Variants in HSD11B1 observed in about 807,000 individuals in gnomAD.
The protein encoded by HSD11B1 is hydroxysteroid 11-beta dehydrogenase 1, also known as 11-beta-hydroxysteroid dehydrogenase 1.
A neutral mutation model predicts 22.1 loss-of-function variants in HSD11B1; 15 were observed. The observed-to-expected ratio is 0.68, with a 90% confidence interval of 0.45 to 1.04. HSD11B1 has a LOEUF of 1.04. Ranked by LOEUF, HSD11B1 falls within the 50% of genes least tolerant of loss-of-function variation. The pLI, the probability that HSD11B1 is intolerant of heterozygous loss-of-function variation, is 0.00. For missense variants in HSD11B1, 281 were observed against 357.6 expected (o/e 0.79, Z 1.73); for synonymous variants, 122 against 125.2 (o/e 0.97, Z 0.17).
chr1:209,692,607 C>CGGGGGGGGGGGGG (rs796545462), intron 1 of HSD11B1, among the ~76,000 whole-genome samples: 2 of 48,246 alleles, frequency 4.1e-5, no homozygotes, highest in Admixed American at 2.0e-4. Context: ...ATTAAAATGG[C>CGGGGGGGGGGGGG]GGGGGGGGGG....
chr1:209,712,571 G>A (rs552079077), intron 4 of HSD11B1, among the ~76,000 whole-genome samples: 20 of 152,150 alleles, frequency 1.3e-4, no homozygotes, highest in Admixed American at 7.2e-4. Context: ...TATGGATTTG[G>A]GTATCCACAG....
At chr1:209,734,138 ACT>A (rs1170976292) in intron 5 of HSD11B1, among the ~76,000 whole-genome samples, 164 bp from the exon 6 acceptor site, 1 of 151,978 alleles carries the variant, frequency 6.6e-6, no homozygotes, top group African/African-American at 2.4e-5. Context: ...TGCCCAACAG[ACT>A]CTAACATACC....
upstream of HSD11B1, among the ~76,000 whole-genome samples, chr1:209,702,780 T>C (rs1474071961): frequency 1.3e-5 from 2 of 152,242 alleles, no homozygotes; most frequent in Non-Finnish European, 2.9e-5. Flanking sequence ...ATTAAGAGTA[T>C]ACAAGGGTCC....
chr1:209,705,307 A>G (rs1219900444), intron 1 of HSD11B1, among the ~76,000 whole-genome samples: 2 of 148,770 alleles, frequency 1.3e-5, no homozygotes, highest in African/African-American at 2.5e-5. Flanking sequence ...CAAAAATGAG[A>G]GTAATACCCA....
chr1:209,732,601 T>C, intron 5 of HSD11B1, 22 bp downstream of exon 5: 1 of 1,602,154 alleles, frequency 6.2e-7, no homozygotes, highest in Non-Finnish European at 8.6e-7. Flanking sequence ...ACTTTGTGTT[T>C]TTTTTTAATT....
chr1:209,704,973 A>T lies in HSD11B1; in HGVS notation c.31A>T (p.Ile11Phe), dbSNP rs772045624. The change falls in exon 1 of 6, where the codon ATT becomes TTT. Residue 11 changes from isoleucine to phenylalanine, a missense_variant. Transcript: ENST00000367027. MAFMKKYLLPILGLFMAYYYY... is the reference protein window; with the variant it reads MAFMKKYLLPFLGLFMAYYYY... ...TTTTATGAAAAAATATCTCCTCCCC[A>T]TTCTGGGGCTCTTCATGGCCTACTA... is the stretch of plus-strand genomic sequence containing the variant. The T allele has an allele frequency of 6.2e-7, 1 of 1,613,860 alleles. No individual in the cohort carries two copies.
At chr1:209,725,286 A>T (rs2076993844) in intron 4 of HSD11B1, among the ~76,000 whole-genome samples, 2 of 152,182 alleles carry the variant, frequency 1.3e-5, no homozygotes, top group Admixed American at 1.3e-4. Context: ...TAAAAGAAAA[A>T]ATACAATAAA....
intron 4 of HSD11B1, among the ~76,000 whole-genome samples, chr1:209,712,405 T>C (rs936619455): frequency 6.6e-6 from 1 of 152,210 alleles, no homozygotes; most frequent in African/African-American, 2.4e-5. Context: ...ATTTGCTACA[T>C]GCTGGGTACT....
intron 4 of HSD11B1, among the ~76,000 whole-genome samples, chr1:209,731,671 T>A (rs992914444): frequency 6.6e-6 from 1 of 152,058 alleles, no homozygotes; most frequent in African/African-American, 2.4e-5. Flanking sequence ...CTGGTGAACA[T>A]TTTTTTTAAA....
intron 4 of HSD11B1, 24 bp downstream of exon 4, chr1:209,707,152 G>A (rs760879775): frequency 1.3e-6 from 2 of 1,583,548 alleles, no homozygotes; most frequent in Non-Finnish European, 1.7e-6. Flanking sequence ...GGACATATGT[G>A]GAAGGTAGAA....
At position 209,734,366 on chromosome 1, in the gene HSD11B1, G is replaced by A. The variant is rs764445932; in HGVS notation, c.724G>A (p.Ala242Thr). Residue 242 changes from alanine to threonine, a missense_variant, in exon 6 of 6, where the codon GCC (alanine) becomes ACC (threonine). Ala to Thr is a moderately conservative substitution (Grantham distance 58). Transcript: ENST00000367027. Reference sequence around the variant, plus strand: ...GCAAGCAGCTCCAAAGGAGGAATGTGCCCTGGAGATCATCAAAGGGGGAGC... The same window carrying A: ...GCAAGCAGCTCCAAAGGAGGAATGTACCCTGGAGATCATCAAAGGGGGAGC... ...HMQAAPKEEC[A>T]LEIIKGGALR... 6.2e-7 allele frequency: 1 copy of A among 1,614,108 alleles called. No homozygotes were observed. The highest frequency in any genetic ancestry group is 2.2e-5 in the East Asian group (1 of 44,878).
At chr1:209,701,158 G>A (rs138062524), upstream of HSD11B1, among the ~76,000 whole-genome samples, 24 of 152,208 alleles carry the variant, frequency 1.6e-4, no homozygotes, top group East Asian at 5.8e-4. Context: ...CCAATTTACC[G>A]TATTAGTTCA....
intron 4 of HSD11B1, among the ~76,000 whole-genome samples, chr1:209,716,367 G>A (rs11119331): frequency 0.2 from 29,038 of 148,534 alleles, 2,855 homozygotes; most frequent in East Asian, 0.22. Context: ...AAATTTAACC[G>A]AGGAGGTGAA....
intron 1 of HSD11B1, among the ~76,000 whole-genome samples, chr1:209,698,434 T>G (rs1381091045): frequency 1.3e-5 from 2 of 152,300 alleles, no homozygotes; most frequent in Middle Eastern, 6.8e-3. Context: ...TGGCTGGGGC[T>G]GTGGTGTCAC....
At chr1:209,726,649 G>T (rs1041889379) in intron 4 of HSD11B1, among the ~76,000 whole-genome samples, 1 of 152,036 alleles carries the variant, frequency 6.6e-6, no homozygotes, top group African/African-American at 2.4e-5. Flanking sequence ...GAATTTTTCA[G>T]GTGGTCTTCT....
rs141179784 is a variant in HSD11B1 at position 209,705,015 on chromosome 1, G to A, written c.73G>A (p.Glu25Lys). 2.9e-4 allele frequency: 461 copies of A among 1,613,274 alleles called. 1 individual carries two copies. Among genetic ancestry groups the A allele is most frequent in the Non-Finnish European group, 3.7e-4 (438 of 1,179,392 alleles). Residue 25 changes from glutamate (E) to lysine (K), a missense_variant, in exon 1 of 6, where the codon GAG (glutamate) becomes AAG (lysine). Physicochemically the swap from Glu to Lys is moderately conservative, Grantham distance 56. Transcript: ENST00000367027. ...FMAYYYYSAN[E>K]EFRPEMLQGK... is the part of the protein sequence containing the mutation. ...GGCCTACTACTACTATTCTGCAAACGAGGAATTCAGACCAGGTAAGTACCC... is the reference window on the plus strand; with the variant it reads ...GGCCTACTACTACTATTCTGCAAACAAGGAATTCAGACCAGGTAAGTACCC...
intron 4 of HSD11B1, among the ~76,000 whole-genome samples, chr1:209,731,156 A>G (rs772481067): frequency 1.4e-4 from 21 of 152,250 alleles, no homozygotes; most frequent in African/African-American, 4.3e-4. Flanking sequence ...TGAATCCTAT[A>G]CATAAGCTCT....
chr1:209,705,635 A>G (rs1289109584), intron 1 of HSD11B1, among the ~76,000 whole-genome samples, 176 bp from the exon 2 acceptor site: 4 of 152,320 alleles, frequency 2.6e-5, no homozygotes, highest in Middle Eastern at 3.4e-3. Context: ...ACTTCAGAGC[A>G]TGTTTATGAA....
At chr1:209,721,872 C>T (rs1228371230) in intron 4 of HSD11B1, among the ~76,000 whole-genome samples, 3 of 152,214 alleles carry the variant, frequency 2.0e-5, no homozygotes, top group East Asian at 3.8e-4. Flanking sequence ...TGCCTTTAGA[C>T]TTTAGATGTG....
Sources: gnomAD v4.1 joint callset for allele counts (sites outside exome capture counted in the v4.1 genomes callset) on GRCh38, gnomAD v4.1.1 for gene constraint, MANE v1.5 for transcripts, NCBI Gene and HGNC (gene_info 2026-07-23, HGNC 2026-07-21) for gene names.